CNTN4: variants seen among roughly 807,000 people sequenced by gnomAD.
The protein encoded by CNTN4 is contactin 4.
CNTN4 carries 77 observed loss-of-function variants against 122.5 expected under a neutral mutation model. That is an observed-to-expected ratio of 0.63 (90% CI 0.52 to 0.76). The LOEUF (loss-of-function observed/expected upper bound fraction) is 0.76. CNTN4 is among the 30% of genes least tolerant of loss of function. The pLI is 0.00. For missense variants in CNTN4, 1,256 were observed against 1,259.1 expected (o/e 1.00, Z 0.04); for synonymous variants, 512 against 447.0 (o/e 1.15, Z -1.83).
intron 2 of CNTN4, among the ~76,000 whole-genome samples, chr3:2,128,884 A>G (rs990246721): frequency 2.0e-5 from 3 of 152,226 alleles, no homozygotes; most frequent in Admixed American, 6.5e-5. Flanking sequence ...TATCAATGGA[A>G]ACTTTAACAA....
chr3:2,484,635 G>A (rs1165545561), intron 3 of CNTN4, among the ~76,000 whole-genome samples: 1 of 152,220 alleles, frequency 6.6e-6, no homozygotes, highest in Non-Finnish European at 1.5e-5. Flanking sequence ...AGAAGGCTGT[G>A]TCAACGGCTA....
chr3:2,123,906 G>A (rs907179568), intron 2 of CNTN4, among the ~76,000 whole-genome samples: 1 of 152,138 alleles, frequency 6.6e-6, no homozygotes, highest in Non-Finnish European at 1.5e-5. Flanking sequence ...ATGGTGCATG[G>A]CTAAATTAAT....
At chr3:2,106,287 G>T (rs1014847241) in intron 2 of CNTN4, among the ~76,000 whole-genome samples, 6 of 152,220 alleles carry the variant, frequency 3.9e-5, no homozygotes, top group African/African-American at 1.4e-4. Context: ...TGTCCCAGTG[G>T]TGACTCTGTG....
At chr3:2,687,848 C>G (rs773084191) in intron 4 of CNTN4, among the ~76,000 whole-genome samples, 7 of 152,040 alleles carry the variant, frequency 4.6e-5, no homozygotes, top group Admixed American at 1.3e-4. Context: ...ATTCATTTTA[C>G]AAATGGAGAG....
chr3:2,572,745 A>G (rs1328677096), intron 4 of CNTN4, among the ~76,000 whole-genome samples: 1 of 152,228 alleles, frequency 6.6e-6, no homozygotes, highest in South Asian at 2.1e-4. Flanking sequence ...CCAGCCCTGT[A>G]CTGGGATCTG....
chr3:2,997,787 A>T (rs1179150828), intron 14 of CNTN4, among the ~76,000 whole-genome samples: 2 of 152,158 alleles, frequency 1.3e-5, no homozygotes, highest in African/African-American at 4.8e-5. Context: ...ATGGGAGAGG[A>T]AATGTAAGCA....
In CNTN4 at chr3:2,771,120, A is replaced by C. The variant is rs190314773; in HGVS notation, c.358+25423A>C. On this transcript the variant is annotated intron_variant, in intron 6 of 24. Coordinates refer to ENST00000418658, the MANE Select transcript of CNTN4 (RefSeq NM_175607.3). ...ACTTAAAGCAAAATGACTGTCATTAAAGTTACCCTCAGAATTCTCTTAAGT... is the reference window on the plus strand; with the variant it reads ...ACTTAAAGCAAAATGACTGTCATTACAGTTACCCTCAGAATTCTCTTAAGT... 7.7e-4 allele frequency among the ~76,000 whole-genome samples: 117 copies of C among 152,320 alleles called. 1 individual carries two copies. The highest frequency in any genetic ancestry group is 2.7e-3 in the African/African-American group (111 of 41,564).
chr3:2,566,724 G>T (rs113923291), intron 3 of CNTN4, among the ~76,000 whole-genome samples: 2,591 of 152,280 alleles, frequency 0.017, 79 homozygotes, highest in African/African-American at 0.06. Context: ...CTTCTGGCAT[G>T]ATCCCTAACC....
At chr3:2,886,977 A>G in intron 9 of CNTN4, 63 bp from the exon 10 acceptor site, 2 of 1,412,000 alleles carry the variant, frequency 1.4e-6, no homozygotes, top group South Asian at 2.4e-5. Context: ...GGAAGCGTTT[A>G]GGTTCAGATA....
At chr3:2,572,107 G>T (rs2079448987) in intron 4 of CNTN4, among the ~76,000 whole-genome samples, 1 of 152,216 alleles carries the variant, frequency 6.6e-6, no homozygotes, top group East Asian at 1.9e-4. Context: ...TTCAAACATG[G>T]CTGGGCGCAG....
intron 3 of CNTN4, among the ~76,000 whole-genome samples, chr3:2,427,364 C>T (rs373216410): frequency 6.6e-6 from 1 of 152,306 alleles, no homozygotes; most frequent in East Asian, 1.9e-4. Context: ...TGCTCAGTTT[C>T]CATGTAGTTG....
chr3:2,568,891 C>T (rs960938619), intron 3 of CNTN4, among the ~76,000 whole-genome samples: 1 of 152,192 alleles, frequency 6.6e-6, no homozygotes, highest in Non-Finnish European at 1.5e-5. Flanking sequence ...TAATTGGATA[C>T]ATTTCCTAAG....
chr3:2,639,356 G>A (rs1285775394), intron 4 of CNTN4, among the ~76,000 whole-genome samples: 1 of 152,088 alleles, frequency 6.6e-6, no homozygotes, highest in Non-Finnish European at 1.5e-5. Context: ...TCAGGCTATG[G>A]TCTACTACTC....
intron 4 of CNTN4, among the ~76,000 whole-genome samples, chr3:2,590,742 C>A (rs1322234105): frequency 6.6e-6 from 1 of 151,940 alleles, no homozygotes; most frequent in Non-Finnish European, 1.5e-5. Context: ...TTTGAATGGT[C>A]TTTCCCCTTC....
intron 15 of CNTN4, 91 bp downstream of exon 15, chr3:3,026,368 A>G (rs998349155): frequency 1.7e-6 from 2 of 1,159,410 alleles, no homozygotes; most frequent in African/African-American, 1.5e-5. Flanking sequence ...ATTTTGTTCA[A>G]GTAATCTTAT....
At chr3:2,996,958 A>G (rs1577554952) in intron 14 of CNTN4, among the ~76,000 whole-genome samples, 1 of 152,226 alleles carries the variant, frequency 6.6e-6, no homozygotes, top group Non-Finnish European at 1.5e-5. Context: ...ATAAAAATCT[A>G]TCTTTTTCTC....
At chr3:2,163,387 A>T (rs995290065) in intron 2 of CNTN4, among the ~76,000 whole-genome samples, 1 of 152,208 alleles carries the variant, frequency 6.6e-6, no homozygotes, top group Non-Finnish European at 1.5e-5. Flanking sequence ...TAAGACATGA[A>T]ACCATAGAAA....
intron 2 of CNTN4, among the ~76,000 whole-genome samples, chr3:2,102,827 G>A (rs1018682902): frequency 6.6e-6 from 1 of 152,014 alleles, no homozygotes; most frequent in African/African-American, 2.4e-5. Context: ...AAATTGTTGG[G>A]GGAACAACTA....
intron 3 of CNTN4, among the ~76,000 whole-genome samples, chr3:2,484,801 C>T (rs2076101026): frequency 6.6e-6 from 1 of 152,228 alleles, no homozygotes; most frequent in African/African-American, 2.4e-5. Context: ...AGCCTCTGCG[C>T]CCACTCTGGC....
Sources: gnomAD v4.1 joint callset for allele counts (sites outside exome capture counted in the v4.1 genomes callset) on GRCh38, gnomAD v4.1.1 for gene constraint, MANE v1.5 for transcripts, NCBI Gene and HGNC (gene_info 2026-07-23, HGNC 2026-07-21) for gene names.